The following CSMD1 variants were observed in gnomAD, a reference collection of about 807,000 sequenced individuals.
The protein encoded by CSMD1 is CUB and Sushi multiple domains 1, also known as CUB and sushi domain-containing protein 1.
Under a neutral mutation model 417.5 loss-of-function variants are expected in CSMD1, and 213 were observed. That is an observed-to-expected ratio of 0.51 (90% CI 0.46 to 0.57). The LOEUF is 0.57. Ranked by LOEUF, CSMD1 falls within the 20% of genes least tolerant of loss-of-function variation. The pLI is 0.00. For synonymous variants in CSMD1, 2,862 were observed against 1,736.8 expected (o/e 1.65, Z -16.11); for missense variants, 6,923 against 4,529.7 (o/e 1.53, Z -15.17).
At chr8:3,844,875 GT>G (rs1313323913) in intron 5 of CSMD1, among the ~76,000 whole-genome samples, 1 of 152,138 alleles carries the variant, frequency 6.6e-6, no homozygotes, top group African/African-American at 2.4e-5. Flanking sequence ...TAAAACTAAA[GT>G]TTTTTCTAAA....
At chr8:3,251,795 G>T (rs1053310068) in intron 26 of CSMD1, among the ~76,000 whole-genome samples, 10 of 152,106 alleles carry the variant, frequency 6.6e-5, no homozygotes, top group African/African-American at 2.2e-4. Flanking sequence ...TTGTCAGTTG[G>T]ATTCATATGT....
chr8:4,928,657 T>A (rs1473881926), intron 1 of CSMD1, among the ~76,000 whole-genome samples: 1 of 152,196 alleles, frequency 6.6e-6, no homozygotes, highest in East Asian at 1.9e-4. Context: ...AATTCATTGT[T>A]ACTCAGGGTT....
At chr8:4,983,810 A>C (rs115936196) in intron 1 of CSMD1, among the ~76,000 whole-genome samples, 1,655 of 145,030 alleles carry the variant, frequency 0.011, 35 homozygotes, top group African/African-American at 0.042. Context: ...CAAAAAAATT[A>C]GATCAAGGAG....
At chr8:4,985,676 T>G (rs184558404) in intron 1 of CSMD1, among the ~76,000 whole-genome samples, 4 of 152,308 alleles carry the variant, frequency 2.6e-5, no homozygotes, top group African/African-American at 9.6e-5. Context: ...CTCACCTGAA[T>G]TTCCCTTGAT....
intron 3 of CSMD1, among the ~76,000 whole-genome samples, chr8:4,089,743 A>G (rs377520704): frequency 1.3e-5 from 2 of 152,152 alleles, no homozygotes; most frequent in East Asian, 3.9e-4. Context: ...TTGACACAAC[A>G]TCATTCATTA....
chr8:3,959,539 G>C (rs549361088), intron 5 of CSMD1, among the ~76,000 whole-genome samples: 2 of 152,232 alleles, frequency 1.3e-5, no homozygotes, highest in African/African-American at 2.4e-5. Flanking sequence ...ACGAAAGAAA[G>C]AAAAGAGAGA....
intron 1 of CSMD1, among the ~76,000 whole-genome samples, chr8:4,794,826 T>C (rs1259552448): frequency 6.6e-6 from 1 of 152,160 alleles, no homozygotes; most frequent in Non-Finnish European, 1.5e-5. Context: ...CAAGTTACAA[T>C]TTAGGAAAAC....
intron 1 of CSMD1, among the ~76,000 whole-genome samples, chr8:4,957,773 C>T (rs531742172): frequency 6.6e-6 from 1 of 152,236 alleles, no homozygotes; most frequent in Non-Finnish European, 1.5e-5. Flanking sequence ...TAATTTAAAA[C>T]GTGTACACAA....
At chr8:3,877,278 C>A (rs1048011113) in intron 5 of CSMD1, among the ~76,000 whole-genome samples, 2 of 152,068 alleles carry the variant, frequency 1.3e-5, no homozygotes, top group Non-Finnish European at 2.9e-5. Context: ...GCCCTTGATG[C>A]GTGGTGAAAG....
chr8:3,623,788 C>A (rs1277957991), intron 7 of CSMD1, among the ~76,000 whole-genome samples: 6 of 152,148 alleles, frequency 3.9e-5, no homozygotes, highest in Middle Eastern at 3.4e-3. Context: ...CTAGACTGAA[C>A]AACATGGAGA....
At chr8:4,499,734 C>T (rs1802159637) in intron 2 of CSMD1, among the ~76,000 whole-genome samples, 1 of 151,660 alleles carries the variant, frequency 6.6e-6, no homozygotes, top group African/African-American at 2.4e-5. Context: ...TGGGCATTGA[C>T]AAGAATATTA....
intron 2 of CSMD1, among the ~76,000 whole-genome samples, chr8:4,505,715 A>G (rs1054278605): frequency 6.6e-6 from 1 of 152,112 alleles, no homozygotes; most frequent in Non-Finnish European, 1.5e-5. Context: ...TTCATCTGCC[A>G]ATGAAGCCTT....
At chr8:3,826,057 T>G (rs181445644) in intron 5 of CSMD1, among the ~76,000 whole-genome samples, 1 of 152,166 alleles carries the variant, frequency 6.6e-6, no homozygotes, top group Non-Finnish European at 1.5e-5. Context: ...GAGGCCCACA[T>G]AGACATCTTT....
Position 4,540,608 on chromosome 8 carries a change from G to A in CSMD1, c.302+96734C>T, listed in dbSNP as rs17070540. Among the ~76,000 whole-genome samples, 1,268 of 152,226 alleles carry A rather than the reference G, an allele frequency of 8.3e-3. 21 individuals carry two copies. Among genetic ancestry groups the A allele is most frequent in the African/African-American group, 0.029 (1,193 of 41,516 alleles). On this transcript the variant is annotated intron_variant, in intron 2 of 69. Coordinates refer to ENST00000635120, the MANE Select transcript of CSMD1 (RefSeq NM_033225.6). ...AAAGATAATAAGCACTATAACAGAA[G>A]TGAAAATAAACCTTGAGAGGGGCCA...
At chr8:4,196,153 G>A (rs1320570026) in intron 3 of CSMD1, among the ~76,000 whole-genome samples, 1 of 152,168 alleles carries the variant, frequency 6.6e-6, no homozygotes, top group Non-Finnish European at 1.5e-5. Flanking sequence ...GGAGCTTGCA[G>A]GGAGCCGAGA....
intron 3 of CSMD1, among the ~76,000 whole-genome samples, chr8:4,249,148 CTT>C (rs1303490731): frequency 6.6e-6 from 1 of 152,172 alleles, no homozygotes; most frequent in Non-Finnish European, 1.5e-5. Context: ...AAAATATAAT[CTT>C]AACATATATT....
At chr8:4,453,816 T>TTA (rs1441869781) in intron 2 of CSMD1, among the ~76,000 whole-genome samples, 13 of 102,030 alleles carry the variant, frequency 1.3e-4, no homozygotes, top group African/African-American at 6.4e-4. Flanking sequence ...ATTCGTTTCT[T>TTA]TTTTTTTTTT....
intron 5 of CSMD1, among the ~76,000 whole-genome samples, chr8:3,847,308 C>G (rs1585084582): frequency 1.3e-5 from 2 of 152,152 alleles, no homozygotes; most frequent in South Asian, 4.2e-4. Flanking sequence ...TTTGGGAGAA[C>G]CTGACCTACT....
Position 3,355,087 on chromosome 8 carries a change from G to A in CSMD1, c.3304+4065C>T, listed in dbSNP as rs1474417389. Among the ~76,000 whole-genome samples the A allele has an allele frequency of 2.6e-5, 4 of 152,058 alleles. No individual in the cohort carries two copies. The East Asian group carries it at 7.7e-4, about 29-fold the overall frequency. On this transcript the variant is annotated intron_variant, in intron 21 of 69. Transcript: ENST00000635120. ...CCATTCAAAAACTGAGGATAAGGGT[G>A]TTGATATTTTTTCGTTTTTTATTTC...
Sources: allele counts gnomAD v4.1 joint callset (sites outside exome capture counted in the v4.1 genomes callset), GRCh38; gene constraint gnomAD v4.1.1; transcripts MANE v1.5; gene names NCBI Gene and HGNC (gene_info 2026-07-23, HGNC 2026-07-21).